The following POU6F2 variants were observed in gnomAD, a reference collection of about 807,000 sequenced individuals.
POU6F2 encodes POU domain, class 6, transcription factor 2.
Under a neutral mutation model 71.3 loss-of-function variants are expected in POU6F2, and 31 were observed. That is an observed-to-expected ratio of 0.43 (90% confidence interval 0.33 to 0.59). POU6F2 has a LOEUF of 0.59. Among genes scored for constraint, POU6F2 ranks in the 20% least tolerant of loss-of-function variants. The pLI is 0.04. For missense variants in POU6F2, 783 were observed against 856.8 expected, an observed-to-expected ratio of 0.91 and a Z score of 1.07; for synonymous variants, 347 against 355.7, an observed-to-expected ratio of 0.98 and a Z score of 0.27.
intron 1 of POU6F2, among the ~76,000 whole-genome samples, chr7:39,057,196 A>G (rs922228132): frequency 9.2e-5 from 14 of 152,042 alleles, no homozygotes; most frequent in African/African-American, 3.4e-4. Context: ...TGAAGATGGA[A>G]TTTGTGCTTC....
chr7:39,255,396 G>A (rs1298922129), intron 4 of POU6F2, among the ~76,000 whole-genome samples: 1 of 152,116 alleles, frequency 6.6e-6, no homozygotes, highest in East Asian at 1.9e-4. Context: ...TCTTACATAT[G>A]CCTCATGGAA....
chr7:39,426,053 C>G (rs2237394), intron 6 of POU6F2, among the ~76,000 whole-genome samples: 2,951 of 152,312 alleles, frequency 0.019, 70 homozygotes, highest in East Asian at 0.062. Context: ...GCAGCCCCAA[C>G]TGGGGCTCCT....
intron 1 of POU6F2, among the ~76,000 whole-genome samples, chr7:38,988,989 T>C (rs1022113203): frequency 1.3e-5 from 2 of 152,116 alleles, no homozygotes; most frequent in African/African-American, 4.8e-5. Flanking sequence ...TCAATAACTG[T>C]TGTACTTGGG....
At chr7:39,355,781 C>T (rs1241530720) in intron 5 of POU6F2, among the ~76,000 whole-genome samples, 8 of 152,072 alleles carry the variant, frequency 5.3e-5, no homozygotes, top group Admixed American at 4.6e-4. Flanking sequence ...GTTTAACAAG[C>T]CTATTAAAAT....
intron 2 of POU6F2, among the ~76,000 whole-genome samples, chr7:39,127,606 C>A (rs1277683976): frequency 6.6e-6 from 1 of 151,922 alleles, no homozygotes; most frequent in Admixed American, 6.6e-5. Context: ...AGAACTGGAG[C>A]GTGATGGGGG....
At chr7:39,331,703 G>A (rs561125543) in intron 4 of POU6F2, among the ~76,000 whole-genome samples, 1 of 152,136 alleles carries the variant, frequency 6.6e-6, no homozygotes, top group South Asian at 2.1e-4. Context: ...TAGAGACGGG[G>A]TTTCACCACG....
rs1268864135 is a variant in POU6F2, at chr7:39,285,968, A to G, written c.599-53674A>G. Among the ~76,000 whole-genome samples, 3 of 152,246 alleles carry G rather than the reference A, an allele frequency of 2.0e-5. 1 individual carries two copies. Among genetic ancestry groups the G allele is most frequent in the South Asian group, 4.1e-4 (2 of 4,832 alleles). ...AGCACAGGACACACGTTGATTCGCA[A>G]TAAATGCTGATTGATGGAGTGAATT... On this transcript the variant is annotated intron_variant, in intron 4 of 9. Transcript: ENST00000518318.
chr7:39,317,302 G>C (rs369500282), intron 4 of POU6F2, among the ~76,000 whole-genome samples: 2 of 152,130 alleles, frequency 1.3e-5, no homozygotes, highest in Non-Finnish European at 2.9e-5. Flanking sequence ...GGAACTCGCC[G>C]ATGGCTTGTA....
intron 4 of POU6F2, among the ~76,000 whole-genome samples, chr7:39,235,800 G>T (rs371094083): frequency 2.0e-4 from 30 of 152,222 alleles, no homozygotes; most frequent in African/African-American, 6.0e-4. Flanking sequence ...TATGCATGGT[G>T]CCCATCAACA....
At chr7:39,168,040 G>A (rs2128738326) in intron 2 of POU6F2, among the ~76,000 whole-genome samples, 1 of 151,744 alleles carries the variant, frequency 6.6e-6, no homozygotes, top group Admixed American at 6.6e-5. Flanking sequence ...ATTTTTTTGT[G>A]TCTGGCATAT....
intron 5 of POU6F2, among the ~76,000 whole-genome samples, chr7:39,378,903 T>C (rs1271545660): frequency 5.3e-5 from 8 of 152,248 alleles, no homozygotes; most frequent in Admixed American, 3.9e-4. Flanking sequence ...GCTCACGTTA[T>C]AACTGAATTA....
At chr7:39,351,062 G>T (rs772713058) in intron 5 of POU6F2, among the ~76,000 whole-genome samples, 1 of 152,206 alleles carries the variant, frequency 6.6e-6, no homozygotes, top group Non-Finnish European at 1.5e-5. Context: ...TGGAACCGCG[G>T]TGGGCACCAG....
At chr7:39,067,960 A>C (rs1790795424) in intron 1 of POU6F2, among the ~76,000 whole-genome samples, 1 of 152,140 alleles carries the variant, frequency 6.6e-6, no homozygotes, top group African/African-American at 2.4e-5. Flanking sequence ...ATTTTCCACC[A>C]CCTGATCTTG....
intron 1 of POU6F2, among the ~76,000 whole-genome samples, chr7:39,031,416 T>C (rs1317969694): frequency 1.3e-5 from 2 of 152,220 alleles, no homozygotes; most frequent in African/African-American, 4.8e-5. Context: ...AGAATCCAAA[T>C]TAAAACAATG....
At chr7:39,216,522 G>T (rs979013093) in intron 4 of POU6F2, among the ~76,000 whole-genome samples, 5 of 152,122 alleles carry the variant, frequency 3.3e-5, no homozygotes, top group African/African-American at 4.8e-5. Context: ...TTGCTGAAGT[G>T]GGGGACAGGT....
chr7:38,987,179 T>C (rs1460071664), intron 1 of POU6F2, among the ~76,000 whole-genome samples: 1 of 152,130 alleles, frequency 6.6e-6, no homozygotes, highest in Non-Finnish European at 1.5e-5. Flanking sequence ...AGTAGCTTTA[T>C]GCCACAAGAA....
chr7:39,019,586 G>A (rs1193959369), intron 1 of POU6F2, among the ~76,000 whole-genome samples: 1 of 151,502 alleles, frequency 6.6e-6, no homozygotes, highest in Non-Finnish European at 1.5e-5. Context: ...GAGCTACTAG[G>A]AGACAGATGT....
At chr7:39,268,187 G>C (rs1784283333) in intron 4 of POU6F2, among the ~76,000 whole-genome samples, 1 of 152,174 alleles carries the variant, frequency 6.6e-6, no homozygotes, top group South Asian at 2.1e-4. Context: ...CACGTGCCCA[G>C]ATTGACTGTG....
intron 4 of POU6F2, among the ~76,000 whole-genome samples, chr7:39,306,352 C>A (rs1785048411): frequency 6.6e-6 from 1 of 152,216 alleles, no homozygotes; most frequent in African/African-American, 2.4e-5. Context: ...ACACTTTACC[C>A]ACAGCATTGC....
Sources: gnomAD v4.1 joint callset for allele counts (sites outside exome capture counted in the v4.1 genomes callset) on GRCh38, gnomAD v4.1.1 for gene constraint, MANE v1.5 for transcripts, NCBI Gene and HGNC (gene_info 2026-07-23, HGNC 2026-07-21) for gene names.